The following MTFR1 variants were observed in gnomAD, a reference collection of about 807,000 sequenced individuals.
The protein encoded by MTFR1 is mitochondrial fission regulator 1.
Under a neutral mutation model 38.8 loss-of-function variants are expected in MTFR1, and 28 were observed. The ratio of observed to expected loss-of-function variants is 0.72; its 90% CI spans 0.53 to 0.99. The LOEUF is 0.99. MTFR1 is among the 50% of genes least tolerant of loss of function. The pLI, the probability that MTFR1 is intolerant of heterozygous loss-of-function variation, is 0.00. For missense variants in MTFR1, 358 were observed against 395.5 expected (o/e 0.91, Z 0.81); for synonymous variants, 145 against 137.0 (o/e 1.06, Z -0.41).
In MTFR1 at chr8:65,709,896, T is replaced by G; in HGVS notation, c.*852T>G. The G allele has an allele frequency of 6.5e-6, 1 of 152,762 alleles. No individual in the cohort carries two copies. The highest frequency in any genetic ancestry group is 2.1e-4 in the South Asian group (1 of 4,824). 9.5% of individuals were successfully genotyped at this position (152,762 alleles called of 1,614,324 possible). A position where few individuals can be genotyped will look rare whatever the true frequency, so the allele number is the denominator to read the frequency against. On this transcript the variant is annotated 3_prime_UTR_variant, in exon 8 of 8. Transcript: ENST00000262146. Reference sequence around the variant, plus strand: ...TGCTAAGTTAATAGAGTTAAAAATTTTTTTAATATAAGCCAAAATATTAAC... The same window carrying G: ...TGCTAAGTTAATAGAGTTAAAAATTGTTTTAATATAAGCCAAAATATTAAC...
chr8:65,729,761 G>A (rs1378136370), intron 3 of MTFR1, among the ~76,000 whole-genome samples: 1 of 151,182 alleles, frequency 6.6e-6, no homozygotes, highest in Non-Finnish European at 1.5e-5. Context: ...TAGAGATGGG[G>A]TTTCACCATG....
chr8:65,753,736 T>C (rs1433791347), intron 3 of MTFR1, among the ~76,000 whole-genome samples: 4 of 152,192 alleles, frequency 2.6e-5, no homozygotes, highest in Non-Finnish European at 2.9e-5. Context: ...GTCTTCATTA[T>C]TGTAGAATTG....
At chr8:65,660,214 C>G (rs1000497775) in intron 1 of MTFR1, among the ~76,000 whole-genome samples, 1 of 146,862 alleles carries the variant, frequency 6.8e-6, no homozygotes, top group African/African-American at 2.5e-5. Flanking sequence ...TCTCTTGAAC[C>G]TGGGAGGTGG....
exon 4 of MTFR1, chr8:65,770,992 G>A (rs1261947695): frequency 8.9e-6 from 3 of 337,266 alleles, no homozygotes; most frequent in Admixed American, 3.7e-5. Flanking sequence ...AAGGCCTATG[G>A]CAAATCCTAC....
downstream of MTFR1, among the ~76,000 whole-genome samples, chr8:65,711,130 A>AGTTT (rs1554552436): frequency 6.6e-6 from 1 of 152,170 alleles, no homozygotes; most frequent in African/African-American, 2.4e-5. Context: ...GGGTCTCTGT[A>AGTTT]GTTTCCAATA....
intron 1 of MTFR1, among the ~76,000 whole-genome samples, chr8:65,668,529 T>TC (rs1274992630): frequency 3.4e-5 from 5 of 146,864 alleles, no homozygotes; most frequent in Non-Finnish European, 6.1e-5. Flanking sequence ...TTTTTTCTTT[T>TC]TTTTTTTTTT....
intron 3 of MTFR1, among the ~76,000 whole-genome samples, chr8:65,726,027 T>C (rs1007658178): frequency 6.6e-6 from 1 of 152,164 alleles, no homozygotes; most frequent in African/African-American, 2.4e-5. Context: ...TTTCTCATGG[T>C]CATTACACAA....
chr8:65,682,162 T>G (rs1804914310), intron 2 of MTFR1, 191 bp from the exon 3 acceptor site: 1 of 265,008 alleles, frequency 3.8e-6, no homozygotes, highest in Non-Finnish European at 7.0e-6. Context: ...ATTAATAATA[T>G]CTATCTCTCT....
rs374273725 is a variant in MTFR1, at chr8:65,707,267, A to G, written c.764+11A>G. The G allele has an allele frequency of 1.6e-5, 26 of 1,604,266 alleles. No individual in the cohort carries two copies. Among genetic ancestry groups the G allele is most frequent in the Non-Finnish European group, 2.2e-5 (26 of 1,174,752 alleles). Reference sequence around the variant, plus strand: ...TCGGTCAGTGAAGAGGTGAGGATACATTCACCTTCTTTCTTCCCCATTTGT... The same window carrying G: ...TCGGTCAGTGAAGAGGTGAGGATACGTTCACCTTCTTTCTTCCCCATTTGT... On this transcript the variant is annotated intron_variant, in intron 6 of 7. Transcript: ENST00000262146.
chr8:65,774,451 T>C (rs186495530), downstream of MTFR1, among the ~76,000 whole-genome samples: 51 of 152,248 alleles, frequency 3.3e-4, no homozygotes, highest in African/African-American at 1.2e-3. Flanking sequence ...TAAAATTCTC[T>C]GGCCCTCAGG....
chr8:65,731,970 T>C (rs1806907143), intron 3 of MTFR1, among the ~76,000 whole-genome samples: 2 of 131,452 alleles, frequency 1.5e-5, no homozygotes, highest in African/African-American at 5.9e-5. Flanking sequence ...TTCTCTATAT[T>C]ATTATTATTA....
At chr8:65,669,556 G>A (rs977061025) in intron 1 of MTFR1, among the ~76,000 whole-genome samples, 4 of 144,422 alleles carry the variant, frequency 2.8e-5, no homozygotes, top group Non-Finnish European at 6.1e-5. Context: ...ACACATGAAG[G>A]TTTTTTTTTT....
the MTFR1 span, among the ~76,000 whole-genome samples, chr8:65,777,066 T>A: frequency 4.6e-5 from 7 of 151,088 alleles, no homozygotes; most frequent in African/African-American, 1.7e-4. Context: ...AATACTCAAT[T>A]TTATCAAATG....
chr8:65,759,974 T>G (rs566409193), intron 3 of MTFR1, among the ~76,000 whole-genome samples: 1 of 152,298 alleles, frequency 6.6e-6, no homozygotes, highest in East Asian at 1.9e-4. Flanking sequence ...GCACGGTGGC[T>G]CACACCTATA....
chr8:65,693,906 T>G lies in MTFR1; in HGVS notation c.281+147T>G, dbSNP rs898223864. Reference sequence around the variant, plus strand: ...CTTGAACAGTCTTCTTTTCTGTTTATTTTCCTTTTTTTCTGAGATTGGGTC... The same window carrying G: ...CTTGAACAGTCTTCTTTTCTGTTTAGTTTCCTTTTTTTCTGAGATTGGGTC... On this transcript the variant is annotated intron_variant, in intron 4 of 7. Coordinates refer to ENST00000262146, the MANE Select transcript of MTFR1 (RefSeq NM_014637.4). 3 of 649,218 alleles carry G rather than the reference T, an allele frequency of 4.6e-6. No homozygotes were observed. The South Asian group carries it at 6.0e-5, about 13-fold the overall frequency. 40.2% of individuals were successfully genotyped at this position (649,218 alleles called of 1,614,324 possible).
At chr8:65,662,871 C>T (rs1210160438) in intron 1 of MTFR1, among the ~76,000 whole-genome samples, 2 of 151,048 alleles carry the variant, frequency 1.3e-5, no homozygotes, top group East Asian at 4.0e-4. Flanking sequence ...GGGGTTAGGC[C>T]CCAGCCCGGC....
intron 3 of MTFR1, among the ~76,000 whole-genome samples, chr8:65,689,814 A>G (rs1805219375): frequency 6.8e-6 from 1 of 146,062 alleles, no homozygotes; most frequent in Non-Finnish European, 1.5e-5. Flanking sequence ...CCTTTTATAA[A>G]GAAGATTTTC....
chr8:65,711,507 A>C (rs1479115129), downstream of MTFR1, among the ~76,000 whole-genome samples: 1 of 152,200 alleles, frequency 6.6e-6, no homozygotes, highest in Non-Finnish European at 1.5e-5. Flanking sequence ...TGCCAGATAG[A>C]TAGAATGAGG....
At chr8:65,650,067 G>A (rs995959686) in intron 1 of MTFR1, among the ~76,000 whole-genome samples, 4 of 151,572 alleles carry the variant, frequency 2.6e-5, no homozygotes, top group Non-Finnish European at 5.9e-5. Context: ...TCGAACTCCC[G>A]ACCTCAGGTG....
Sources: gnomAD v4.1 joint callset for allele counts (sites outside exome capture counted in the v4.1 genomes callset) on GRCh38, gnomAD v4.1.1 for gene constraint, MANE v1.5 for transcripts, NCBI Gene and HGNC (gene_info 2026-07-23, HGNC 2026-07-21) for gene names.